Variants in USP13 observed in about 807,000 individuals in gnomAD.
USP13 encodes the protein ubiquitin carboxyl-terminal hydrolase 13.
USP13 carries 68 observed loss-of-function variants against 107.8 expected under a neutral mutation model. That is an observed-to-expected ratio of 0.63 (90% CI 0.52 to 0.77). The LOEUF (loss-of-function observed/expected upper bound fraction) is 0.77. USP13 is among the 30% of genes least tolerant of loss of function. The pLI, the probability that USP13 is intolerant of heterozygous loss-of-function variation, is 0.00. For missense variants in USP13, 945 were observed against 1,093.3 expected, an observed-to-expected ratio of 0.86 and a Z score of 1.91; for synonymous variants, 377 against 389.5, an observed-to-expected ratio of 0.97 and a Z score of 0.38.
chr3:179,683,600 A>C (rs925646922), intron 2 of USP13, among the ~76,000 whole-genome samples: 3 of 152,130 alleles, frequency 2.0e-5, no homozygotes, highest in Non-Finnish European at 4.4e-5. Context: ...AAACCATCAG[A>C]TCTCATGAGA....
Position 179,721,399 on chromosome 3 carries a change from C to T in USP13, c.901-3C>T. On this transcript the variant is annotated splice_polypyrimidine_tract_variant and splice_region_variant and intron_variant, in intron 7 of 20. Coordinates refer to ENST00000263966, the MANE Select transcript of USP13 (RefSeq NM_003940.3). This position sits in a 1 kb window ranked among gnomAD's most constrained non-coding sequence, Gnocchi z 4.3. ...TTGTTTTTCTTCGATGACTTTGTCT[C>T]AGACAGAGAATGGGCTCCAGGACAA... 1.2e-6 allele frequency: 2 copies of T among 1,612,530 alleles called. No individual in the cohort carries two copies. The highest frequency in any genetic ancestry group is 1.7e-6 in the Non-Finnish European group (2 of 1,179,170).
rs1417828599 is a variant in USP13 at position 179,718,776 on chromosome 3, T to C, written c.806-1164T>C. Among the ~76,000 whole-genome samples, 11 of 152,162 alleles carry C rather than the reference T, an allele frequency of 7.2e-5. No homozygotes were observed. In the East Asian group the frequency reaches 1.9e-3, roughly 27 times the overall value. On this transcript the variant is annotated intron_variant, in intron 6 of 20. Transcript: ENST00000263966. ...TTCTGCATTTCTTTTCTTTTCTTTTTTTTTTGAGATAGAGTCTCTCTCTGT... is the reference window on the plus strand; with the variant it reads ...TTCTGCATTTCTTTTCTTTTCTTTTCTTTTTGAGATAGAGTCTCTCTCTGT...
At chr3:179,780,016 A>G (rs1453805829) in intron 19 of USP13, among the ~76,000 whole-genome samples, 4 of 152,204 alleles carry the variant, frequency 2.6e-5, no homozygotes, top group African/African-American at 7.2e-5. Context: ...TGGAATTGCC[A>G]TTGACTGAGA....
chr3:179,712,167 T>G (rs890353335), intron 6 of USP13, among the ~76,000 whole-genome samples: 1 of 152,246 alleles, frequency 6.6e-6, no homozygotes, highest in Non-Finnish European at 1.5e-5. Context: ...GGCCAAGAAT[T>G]AATTCTATTC....
chr3:179,658,099 T>C (rs1471132627), intron 1 of USP13, among the ~76,000 whole-genome samples: 10 of 152,102 alleles, frequency 6.6e-5, no homozygotes, highest in South Asian at 2.1e-4. Context: ...GGATTACAGG[T>C]GCCCACCACC....
chr3:179,688,431 G>T (rs574511122), intron 2 of USP13, among the ~76,000 whole-genome samples: 60 of 152,144 alleles, frequency 3.9e-4, no homozygotes, highest in Non-Finnish European at 7.2e-4. Context: ...TACTATGCTG[G>T]CTAGCTCCTT....
chr3:179,756,047 T>C (rs572444980), intron 15 of USP13, among the ~76,000 whole-genome samples: 1 of 152,198 alleles, frequency 6.6e-6, no homozygotes, highest in East Asian at 1.9e-4. Context: ...ATCAGATAAA[T>C]ACAAGATGGT....
At chr3:179,655,235 A>C (rs572533892) in intron 1 of USP13, among the ~76,000 whole-genome samples, 2 of 152,348 alleles carry the variant, frequency 1.3e-5, no homozygotes, top group African/African-American at 2.4e-5. Context: ...TTCTGCTTAC[A>C]AACTTTGCTC....
intron 19 of USP13, among the ~76,000 whole-genome samples, chr3:179,766,327 C>A (rs189757667): frequency 9.2e-5 from 14 of 152,176 alleles, no homozygotes; most frequent in African/African-American, 3.1e-4. Context: ...GCATAGGCCC[C>A]GGTGATCTGA....
chr3:179,753,741 C>T (rs997653964), intron 14 of USP13, among the ~76,000 whole-genome samples: 2 of 152,132 alleles, frequency 1.3e-5, no homozygotes, highest in African/African-American at 4.8e-5. Flanking sequence ...TACCTGGTAT[C>T]ATAACTGATT....
At chr3:179,697,513 T>C (rs1712366729) in intron 3 of USP13, among the ~76,000 whole-genome samples, 1 of 152,174 alleles carries the variant, frequency 6.6e-6, no homozygotes, top group South Asian at 2.1e-4. Flanking sequence ...CTCCCAGGGA[T>C]CTGGGAGGAT....
At chr3:179,676,276 G>A (rs1393958537) in intron 1 of USP13, among the ~76,000 whole-genome samples, 1 of 152,138 alleles carries the variant, frequency 6.6e-6, no homozygotes, top group African/African-American at 2.4e-5. Context: ...CATTATAGTA[G>A]TGTGAGAATG....
chr3:179,683,086 T>C (rs1214392856), intron 2 of USP13, among the ~76,000 whole-genome samples: 1 of 151,678 alleles, frequency 6.6e-6, no homozygotes, highest in East Asian at 1.9e-4. Flanking sequence ...TGGATTTGCC[T>C]ATTTATATTT....
At chr3:179,771,531 T>C (rs929059963) in intron 19 of USP13, among the ~76,000 whole-genome samples, 5 of 152,228 alleles carry the variant, frequency 3.3e-5, no homozygotes, top group African/African-American at 1.2e-4. Context: ...CCTGCTGAAT[T>C]AGGAACTCTG....
intron 16 of USP13, among the ~76,000 whole-genome samples, chr3:179,758,728 G>C (rs1038003220): frequency 1.3e-5 from 2 of 152,040 alleles, no homozygotes; most frequent in African/African-American, 4.8e-5. Context: ...TCCATCTCCT[G>C]ACCTCGTGAT....
At chr3:179,660,390 C>A (rs550401923) in intron 1 of USP13, among the ~76,000 whole-genome samples, 1 of 152,176 alleles carries the variant, frequency 6.6e-6, no homozygotes, top group Admixed American at 6.5e-5. Flanking sequence ...TTTGTCCTTT[C>A]GTGTCTGGCT....
At chr3:179,656,744 C>G (rs1187982717) in intron 1 of USP13, among the ~76,000 whole-genome samples, 1 of 152,192 alleles carries the variant, frequency 6.6e-6, no homozygotes, top group Admixed American at 6.5e-5. Flanking sequence ...CACCAGACCC[C>G]ATAAGCATTC....
chr3:179,662,891 G>A (rs901090617), intron 1 of USP13, among the ~76,000 whole-genome samples: 10 of 152,134 alleles, frequency 6.6e-5, no homozygotes, highest in Admixed American at 3.9e-4. Context: ...TAAAGGAGCG[G>A]CCATCCATTT....
At chr3:179,756,771 T>C (rs1216136633) in intron 15 of USP13, among the ~76,000 whole-genome samples, 2 of 152,172 alleles carry the variant, frequency 1.3e-5, no homozygotes, top group Non-Finnish European at 2.9e-5. Context: ...AAAAAAAGTT[T>C]TTTTTAAAGA....
Sources: allele counts gnomAD v4.1 joint callset (sites outside exome capture counted in the v4.1 genomes callset), GRCh38; gene constraint gnomAD v4.1.1; non-coding constraint Gnocchi (gnomAD v3.1); transcripts MANE v1.5; gene names NCBI Gene and HGNC (gene_info 2026-07-23, HGNC 2026-07-21).